Variants in ENTPD3 observed in about 807,000 individuals in gnomAD.
The protein encoded by ENTPD3 is CD39 antigen-like 3.
In ENTPD3, 60 loss-of-function variants were observed where a neutral mutation model predicts 51.2. That is an observed-to-expected ratio of 1.17 (90% CI 0.95 to 1.45). ENTPD3 has a LOEUF of 1.45. ENTPD3 is among the 40% of genes most tolerant of loss of function. ENTPD3 has a pLI of 0.00. For synonymous variants in ENTPD3, 221 were observed against 238.4 expected, an observed-to-expected ratio of 0.93 and a Z score of 0.67; for missense variants, 593 against 641.1, an observed-to-expected ratio of 0.93 and a Z score of 0.81.
Position 40,423,821 on chromosome 3 carries a change from T to G in ENTPD3, c.1216-5T>G. On this transcript the variant is annotated splice_region_variant and splice_polypyrimidine_tract_variant and intron_variant, in intron 9 of 10. Coordinates refer to ENST00000301825, the MANE Select transcript of ENTPD3 (RefSeq NM_001248.4). ...CCTGCCTCTCAGATGTTTTAAACCTTTCAGCTCCCACTGCTGCTCCCCAAA... is the reference window on the plus strand; with the variant it reads ...CCTGCCTCTCAGATGTTTTAAACCTGTCAGCTCCCACTGCTGCTCCCCAAA... The G allele has an allele frequency of 6.2e-7, 1 of 1,613,984 alleles. No individual in the cohort carries two copies. The highest frequency in any genetic ancestry group is 2.2e-5 in the East Asian group (1 of 44,882).
At chr3:40,393,625 A>T (rs1955118027) in intron 3 of ENTPD3, among the ~76,000 whole-genome samples, 1 of 151,456 alleles carries the variant, frequency 6.6e-6, no homozygotes, top group East Asian at 2.0e-4. Flanking sequence ...TAAGAATCTC[A>T]GCCCTCATGA....
intron 3 of ENTPD3, among the ~76,000 whole-genome samples, chr3:40,398,425 G>A (rs975037002): frequency 3.9e-5 from 6 of 152,164 alleles, no homozygotes; most frequent in African/African-American, 1.2e-4. Context: ...GGAGCAGGGG[G>A]GAGGAAAGAA....
intron 3 of ENTPD3, among the ~76,000 whole-genome samples, chr3:40,396,536 C>T (rs1428300461): frequency 6.6e-6 from 1 of 152,086 alleles, no homozygotes; most frequent in Non-Finnish European, 1.5e-5. Context: ...GCTTGCCTAA[C>T]CCTGGTTTAT....
At chr3:40,402,810 C>G (rs552101797) in intron 4 of ENTPD3, among the ~76,000 whole-genome samples, 4 of 152,104 alleles carry the variant, frequency 2.6e-5, no homozygotes, top group Non-Finnish European at 4.4e-5. Flanking sequence ...GTCATACAGA[C>G]CTTTTTCTAT....
intron 10 of ENTPD3, 149 bp from the exon 11 acceptor site, chr3:40,427,123 G>A (rs942383842): frequency 6.1e-6 from 4 of 656,478 alleles, no homozygotes; most frequent in Non-Finnish European, 1.1e-5. Flanking sequence ...TGGCTACAGT[G>A]TGGTGTCTTA....
intron 10 of ENTPD3, among the ~76,000 whole-genome samples, chr3:40,425,889 C>T (rs1158774184): frequency 8.4e-6 from 1 of 118,914 alleles, no homozygotes; most frequent in East Asian, 2.5e-4. Context: ...AAGAGCAAGA[C>T]TCTGTCTCAA....
At chr3:40,401,965 TTC>T (rs146379384) in intron 4 of ENTPD3, among the ~76,000 whole-genome samples, 4,413 of 152,302 alleles carry the variant, frequency 0.029, 193 homozygotes, top group African/African-American at 0.1. Context: ...TATGTAGTGT[TTC>T]TGTTTTTTAA....
intron 3 of ENTPD3, among the ~76,000 whole-genome samples, chr3:40,393,384 A>T (rs1955111773): frequency 6.6e-6 from 1 of 152,200 alleles, no homozygotes; most frequent in Non-Finnish European, 1.5e-5. Flanking sequence ...AATCTCATTT[A>T]ACATTTACAC....
chr3:40,418,637 C>T (rs1171790694), intron 7 of ENTPD3, among the ~76,000 whole-genome samples: 1 of 151,978 alleles, frequency 6.6e-6, no homozygotes, highest in African/African-American at 2.4e-5. Context: ...AATATATGTT[C>T]AGTGAAAAAC....
At position 40,392,592 on chromosome 3, in the gene ENTPD3, AT is replaced by A. The variant is rs60012481; in HGVS notation, c.168+445del. 1,082 of 154,286 alleles carry A rather than the reference AT, an allele frequency of 7.0e-3. 7 individuals carry two copies. Among genetic ancestry groups the A allele is most frequent in the African/African-American group, 0.026 (1,038 of 40,348 alleles). 9.6% of individuals were successfully genotyped at this position (154,286 alleles called of 1,614,324 possible). On this transcript the variant is annotated intron_variant, in intron 3 of 10. Transcript: ENST00000301825. The stretch of plus-strand genomic sequence containing the variant: ...TCTCTATCAAAAAAAAAAAAAAAAA[AT>A]TTACCGGTTAGTGCACTTTCCATTT...
intron 7 of ENTPD3, among the ~76,000 whole-genome samples, chr3:40,416,426 T>C (rs1169884358): frequency 6.6e-6 from 1 of 152,134 alleles, no homozygotes; most frequent in East Asian, 1.9e-4. Context: ...CTCCCCTGGG[T>C]GTAGACAAAA....
rs1230340024 is a variant in ENTPD3, at chr3:40,387,954, A to T, written c.-12-92A>T. ...GATGAGGTTTTGATTTGGAGGAAGT[A>T]AAATGGGTTTTGTCTTAACCTGGGC... On this transcript the variant is annotated intron_variant, in intron 1 of 10. Transcript: ENST00000301825. 5 of 1,043,660 alleles carry T rather than the reference A, an allele frequency of 4.8e-6. No individual in the cohort carries two copies. In the East Asian group the frequency reaches 9.7e-5, roughly 20 times the overall value. The allele number at this position is 1,043,660 out of a possible 1,614,324, so 64.6% of individuals were successfully genotyped here.
chr3:40,400,814 GGGTTCTCAGTGGCC>G, intron 3 of ENTPD3, 66 bp from the exon 4 acceptor site: 2 of 1,023,018 alleles, frequency 2.0e-6, no homozygotes, highest in Non-Finnish European at 3.1e-6. Context: ...AAGGTACTCA[GGGTTCTCAGTGGCC>G]CACTGAGAAA....
At chr3:40,394,518 T>C (rs1298668792) in intron 3 of ENTPD3, 1 of 155,894 alleles carries the variant, frequency 6.4e-6, no homozygotes, top group Middle Eastern at 5.2e-4. Context: ...ATGCCAACCA[T>C]AGAAGGTGGA....
intron 1 of ENTPD3, 170 bp from the exon 2 acceptor site, chr3:40,387,876 C>T (rs1044869662): frequency 5.3e-6 from 3 of 568,826 alleles, no homozygotes; most frequent in Non-Finnish European, 9.5e-6. Flanking sequence ...GAAATTTAAG[C>T]TCCAGCTTTG....
In ENTPD3 at chr3:40,427,564, C is replaced by A; in HGVS notation, c.*56C>A. On this transcript the variant is annotated 3_prime_UTR_variant, in exon 11 of 11. Transcript: ENST00000301825. ...CTGCTTAGAGTCAGCCTGGGTGGCA[C>A]CAGGCAATGCAGGTGAAGTGGCTGC... is the stretch of plus-strand genomic sequence containing the variant. 1 of 1,354,004 alleles carries A rather than the reference C, an allele frequency of 7.4e-7. No homozygotes were observed. Among genetic ancestry groups the A allele is most frequent in the Non-Finnish European group, 1.1e-6 (1 of 948,228 alleles). 83.9% of individuals were successfully genotyped at this position (1,354,004 alleles called of 1,614,324 possible). A position where few individuals can be genotyped will look rare whatever the true frequency, so the allele number is the denominator to read the frequency against.
chr3:40,411,715 C>G (rs1955634784), intron 4 of ENTPD3, 97 bp from the exon 5 acceptor site: 1 of 1,358,110 alleles, frequency 7.4e-7, no homozygotes, highest in Non-Finnish European at 9.9e-7. Context: ...TACCAAACCC[C>G]AATAATTTTC....
chr3:40,387,377 A>C (rs991286344), intron 1 of ENTPD3, 116 bp downstream of exon 1: 5 of 152,410 alleles, frequency 3.3e-5, no homozygotes, highest in African/African-American at 1.2e-4. Flanking sequence ...GGCCAGAGGA[A>C]GAGACTGAAA....
chr3:40,399,930 C>T (rs1280106695), intron 3 of ENTPD3, among the ~76,000 whole-genome samples: 1 of 151,974 alleles, frequency 6.6e-6, no homozygotes, highest in Non-Finnish European at 1.5e-5. Context: ...TTTTTTTCTC[C>T]TTAATTATGA....
Sources: allele counts gnomAD v4.1 joint callset (sites outside exome capture counted in the v4.1 genomes callset), GRCh38; gene constraint gnomAD v4.1.1; transcripts MANE v1.5; gene names NCBI Gene and HGNC (gene_info 2026-07-23, HGNC 2026-07-21).